The following COL4A6 variants were observed in gnomAD, a reference collection of about 807,000 sequenced individuals.
The protein encoded by COL4A6 is collagen alpha-6(IV) chain.
Under a neutral mutation model 126.7 loss-of-function variants are expected in COL4A6, and 59 were observed. The observed-to-expected ratio is 0.47, with a 90% CI of 0.38 to 0.58. COL4A6 has a LOEUF of 0.58. COL4A6 is among the 20% of genes least tolerant of loss of function. The probability of loss-of-function intolerance (pLI) is 0.00; values close to 1 mark genes in which losing one functional copy is unlikely to be tolerated. For missense variants in COL4A6, 1,285 were observed against 1,337.3 expected, an observed-to-expected ratio of 0.96 and a Z score of 0.61; for synonymous variants, 547 against 496.6, an observed-to-expected ratio of 1.10 and a Z score of -1.35.
chrX:108,172,153 C>A (rs193096397), intron 32 of COL4A6, among the ~76,000 whole-genome samples: 1 of 110,371 alleles, frequency 9.1e-6, no homozygotes, highest in African/African-American at 3.3e-5. Flanking sequence ...AAGTTTGAGA[C>A]CAGCCAGACC....
chrX:108,388,316 G>T (rs2040748997), intron 2 of COL4A6, among the ~76,000 whole-genome samples: 1 of 111,873 alleles, frequency 8.9e-6, no homozygotes, highest in African/African-American at 3.2e-5. Flanking sequence ...TGTACCTCTG[G>T]TAGAATTCGG....
At chrX:108,376,983 G>T (rs185631678) in intron 2 of COL4A6, among the ~76,000 whole-genome samples, 2 of 112,496 alleles carry the variant, frequency 1.8e-5, no homozygotes. Flanking sequence ...GGGCCCAGGG[G>T]ACCAGCGTTC....
intron 12 of COL4A6, 68 bp from the exon 13 acceptor site, chrX:108,203,049 C>T (rs2035433047): frequency 1.1e-6 from 1 of 921,679 alleles, no homozygotes; most frequent in East Asian, 3.1e-5. Flanking sequence ...GATGGCTCTC[C>T]ACATGTACTT....
chrX:108,172,599 C>A, intron 31 of COL4A6, 67 bp from the exon 32 acceptor site: 1 of 879,627 alleles, frequency 1.1e-6, no homozygotes, highest in African/African-American at 2.0e-5. Flanking sequence ...CTTACTTCCT[C>A]ACCCCTCACT....
chrX:108,221,526 G>T, intron 3 of COL4A6, 152 bp from the exon 4 acceptor site: 1 of 578,176 alleles, frequency 1.7e-6, no homozygotes, highest in Non-Finnish European at 2.7e-6. Context: ...ACACGGATCA[G>T]AAAAGGCTAT....
At chrX:108,239,516 A>G (rs1174164222) in intron 3 of COL4A6, among the ~76,000 whole-genome samples, 8 of 112,006 alleles carry the variant, frequency 7.1e-5, no homozygotes, top group Admixed American at 2.8e-4. Context: ...GGAAGCCACC[A>G]GCCTGGGAGC....
chrX:108,278,982 C>G (rs1404140503), intron 3 of COL4A6, among the ~76,000 whole-genome samples: 1 of 111,612 alleles, frequency 9.0e-6, no homozygotes, highest in Non-Finnish European at 1.9e-5. Flanking sequence ...TACAAGAGAT[C>G]CTGAAGGAAG....
At chrX:108,410,252 C>T (rs1382768958) in intron 2 of COL4A6, among the ~76,000 whole-genome samples, 2 of 111,357 alleles carry the variant, frequency 1.8e-5, no homozygotes, top group African/African-American at 6.5e-5. Context: ...TGATTTTGCA[C>T]CACTCTGTTT....
intron 2 of COL4A6, among the ~76,000 whole-genome samples, chrX:108,403,054 T>C (rs966309960): frequency 9.0e-6 from 1 of 111,666 alleles, no homozygotes; most frequent in Admixed American, 9.5e-5. Flanking sequence ...TCCTCTAAGA[T>C]AGCAGATTTG....
At chrX:108,260,714 G>A (rs887239871) in intron 3 of COL4A6, among the ~76,000 whole-genome samples, 5 of 110,241 alleles carry the variant, frequency 4.5e-5, no homozygotes, top group Admixed American at 3.9e-4. Flanking sequence ...CAGTAAACAC[G>A]TTCTTTTTTG....
chrX:108,386,167 C>A (rs2040686242), intron 2 of COL4A6, among the ~76,000 whole-genome samples: 1 of 111,227 alleles, frequency 9.0e-6, no homozygotes, highest in Non-Finnish European at 1.9e-5. Flanking sequence ...GTGAACAGTG[C>A]CACAATAAAC....
chrX:108,219,405 A>C (rs769382347), intron 5 of COL4A6, among the ~76,000 whole-genome samples: 1 of 111,537 alleles, frequency 9.0e-6, no homozygotes, highest in Non-Finnish European at 1.9e-5. Flanking sequence ...CCAGTTCCTC[A>C]TCTCCAATCA....
chrX:108,166,528 C>G (rs780983074), intron 37 of COL4A6, among the ~76,000 whole-genome samples: 27 of 111,578 alleles, frequency 2.4e-4, no homozygotes, highest in Non-Finnish European at 4.9e-4. Context: ...AAGAAAAATG[C>G]AAAAATATGC....
chrX:108,194,442 A>T, intron 16 of COL4A6, 92 bp downstream of exon 16: 2 of 922,665 alleles, frequency 2.2e-6, no homozygotes, highest in South Asian at 5.1e-5. Flanking sequence ...TAAAAGGTCA[A>T]AATATTAAAA....
chrX:108,228,924 C>T (rs1160190148), intron 3 of COL4A6, among the ~76,000 whole-genome samples: 2 of 111,960 alleles, frequency 1.8e-5, no homozygotes, highest in East Asian at 5.6e-4. Flanking sequence ...AATTCAGAGA[C>T]GTGTGAATTG....
chrX:108,187,619 G>A (rs1446904668), intron 22 of COL4A6, among the ~76,000 whole-genome samples: 2 of 111,950 alleles, frequency 1.8e-5, no homozygotes, highest in Non-Finnish European at 3.8e-5. Context: ...TAAGTCATAT[G>A]GTCAGGTGTT....
chrX:108,367,384 A>T (rs1248233697), intron 2 of COL4A6, among the ~76,000 whole-genome samples: 1 of 111,010 alleles, frequency 9.0e-6, no homozygotes, highest in Non-Finnish European at 1.9e-5. Context: ...TCTCTCACTC[A>T]CTCTTACACT....
At chrX:108,204,839 G>A (rs2035497612) in intron 11 of COL4A6, among the ~76,000 whole-genome samples, 1 of 111,454 alleles carries the variant, frequency 9.0e-6, no homozygotes. Context: ...TCAGAAGGCA[G>A]TGCAATTGTA....
chrX:108,200,471 G>A (rs1181576710), intron 13 of COL4A6, among the ~76,000 whole-genome samples: 3 of 111,800 alleles, frequency 2.7e-5, no homozygotes, highest in Non-Finnish European at 5.6e-5. Context: ...AAGAAACTTC[G>A]CATACATTAT....
Sources: gnomAD v4.1 joint callset for allele counts (sites outside exome capture counted in the v4.1 genomes callset) on GRCh38, gnomAD v4.1.1 for gene constraint, MANE v1.5 for transcripts, NCBI Gene and HGNC (gene_info 2026-07-23, HGNC 2026-07-21) for gene names.